GLIS3: variants seen among roughly 807,000 people sequenced by gnomAD.
GLIS3 encodes GLIS family zinc finger 3, also known as zinc finger protein GLIS3.
GLIS3 carries 53 observed loss-of-function variants against 78.6 expected under a neutral mutation model. The ratio of observed to expected loss-of-function variants is 0.67; its 90% CI spans 0.54 to 0.85. The LOEUF (loss-of-function observed/expected upper bound fraction) is 0.85. GLIS3 is among the 40% of genes least tolerant of loss of function. The probability of loss-of-function intolerance (pLI) is 0.00; values close to 1 mark genes in which losing one functional copy is unlikely to be tolerated. For synonymous variants in GLIS3, 684 were observed against 509.9 expected, an observed-to-expected ratio of 1.34 and a Z score of -4.60; for missense variants, 1,703 against 1,231.1, an observed-to-expected ratio of 1.38 and a Z score of -5.74.
the GLIS3 span, among the ~76,000 whole-genome samples, chr9:4,417,777 T>C: frequency 2.0e-5 from 3 of 152,364 alleles, no homozygotes; most frequent in East Asian, 1.9e-4. Context: ...ATCATTGAAC[T>C]TTGTAATCTT....
At position 4,201,849 on chromosome 9, in the gene GLIS3, C is replaced by A. The variant is rs1226671612; in HGVS notation, c.389-75908G>T. Among the ~76,000 whole-genome samples, 5 of 152,240 alleles carry A rather than the reference C, an allele frequency of 3.3e-5. No homozygotes were observed. The East Asian group carries it at 9.7e-4, about 29-fold the overall frequency. On this transcript the variant is annotated intron_variant, in intron 2 of 10. Coordinates refer to ENST00000381971, the MANE Select transcript of GLIS3 (RefSeq NM_001042413.2). ...CTAGAAAAAGCTATTCTAAAATTCA[C>A]ATGAAGCCAGGCATGGTAGCTCATG...
intron 4 of GLIS3, chr9:4,071,258 G>A (rs527600572): frequency 2.0e-5 from 3 of 151,994 alleles, no homozygotes; most frequent in East Asian, 1.9e-4. Flanking sequence ...GTAACCATTG[G>A]GCCAATGTGA....
In GLIS3 at chr9:4,118,144, G is replaced by C. The variant is rs751318538; in HGVS notation, c.1334C>G (p.Pro445Arg). The change falls in exon 4 of 11, where the codon CCC (proline) becomes CGC (arginine). Residue 445 changes from proline to arginine, a missense_variant. Physicochemically the swap from Pro to Arg is moderately radical, Grantham distance 103. Transcript: ENST00000381971. This position sits in a 1 kb window ranked among gnomAD's most constrained non-coding sequence, Gnocchi z 4.7. ...CGGCAGAGGAGGGAGCGGAGGCGCG[G>C]GGGGTAGGTCTACGGTGCTGCCCGG... ...EFPGSTVDLP[P>R]APPLPPLPPP... The C allele has an allele frequency of 1.3e-6, 2 of 1,553,936 alleles. No individual in the cohort carries two copies. Among genetic ancestry groups the C allele is most frequent in the Admixed American group, 1.8e-5 (1 of 54,054 alleles).
At chr9:4,064,444 T>A (rs1826924513) in intron 4 of GLIS3, among the ~76,000 whole-genome samples, 1 of 152,190 alleles carries the variant, frequency 6.6e-6, no homozygotes, top group African/African-American at 2.4e-5. Flanking sequence ...AATGCATGCA[T>A]TAGTTCAAGA....
At chr9:3,951,841 AACACACACACACACACAC>A (rs3061609) in intron 4 of GLIS3, among the ~76,000 whole-genome samples, 10 of 130,616 alleles carry the variant, frequency 7.7e-5, no homozygotes, top group African/African-American at 1.8e-4. Flanking sequence ...AATAAGCATG[AACACACACACACACACAC>A]ACACACACAC....
chr9:4,137,949 C>T (rs1833523654), intron 2 of GLIS3, among the ~76,000 whole-genome samples: 1 of 152,184 alleles, frequency 6.6e-6, no homozygotes, highest in African/African-American at 2.4e-5. Context: ...GTTAACTAAG[C>T]AAACAAGTAC....
At chr9:4,007,527 T>A (rs1359933201) in intron 4 of GLIS3, among the ~76,000 whole-genome samples, 1 of 152,114 alleles carries the variant, frequency 6.6e-6, no homozygotes, top group Non-Finnish European at 1.5e-5. Flanking sequence ...AATATGGTAC[T>A]AACCATCTCA....
chr9:4,199,226 A>G (rs1819139877), intron 2 of GLIS3, among the ~76,000 whole-genome samples: 1 of 152,142 alleles, frequency 6.6e-6, no homozygotes, highest in African/African-American at 2.4e-5. Context: ...TTAACCCTGA[A>G]TGAAATGGCC....
chr9:4,341,564 C>A (rs1389221602), intron 2 of GLIS3, among the ~76,000 whole-genome samples: 1 of 152,216 alleles, frequency 6.6e-6, no homozygotes, highest in Non-Finnish European at 1.5e-5. Flanking sequence ...TGTCCTCAGA[C>A]CCCTAGCACT....
intron 4 of GLIS3, among the ~76,000 whole-genome samples, chr9:4,037,203 C>T (rs1476315723): frequency 3.3e-5 from 5 of 152,150 alleles, no homozygotes; most frequent in Non-Finnish European, 5.9e-5. Context: ...CTGTTAATTT[C>T]ATTTCGAGAA....
At chr9:4,319,892 G>C (rs75150175) in intron 2 of GLIS3, among the ~76,000 whole-genome samples, 2,166 of 152,152 alleles carry the variant, frequency 0.014, 54 homozygotes, top group African/African-American at 0.049. Flanking sequence ...GAATGATTTA[G>C]AACCAGAATT....
chr9:4,447,346 G>C, the GLIS3 span, among the ~76,000 whole-genome samples: 2 of 151,912 alleles, frequency 1.3e-5, no homozygotes, highest in Non-Finnish European at 2.9e-5. Context: ...TACCATGCCT[G>C]ATACAGGAGT....
chr9:3,920,299 G>A (rs1201991204), intron 6 of GLIS3, among the ~76,000 whole-genome samples: 3 of 152,112 alleles, frequency 2.0e-5, no homozygotes, highest in Non-Finnish European at 4.4e-5. Context: ...CACTGTGCCC[G>A]GCCATTACTG....
chr9:4,298,383 C>T (rs1411342127), intron 1 of GLIS3: 2 of 456,258 alleles, frequency 4.4e-6, no homozygotes, highest in Admixed American at 4.7e-5. Flanking sequence ...CCGCCAGGTA[C>T]CTAATTGAAT....
intron 2 of GLIS3, among the ~76,000 whole-genome samples, chr9:4,200,085 T>C (rs1819230209): frequency 6.6e-6 from 1 of 152,218 alleles, no homozygotes; most frequent in Admixed American, 6.5e-5. Context: ...AAGGCAGAAA[T>C]TTTTTACAAA....
intron 2 of GLIS3, among the ~76,000 whole-genome samples, chr9:4,258,480 G>C (rs1346808984): frequency 6.6e-6 from 1 of 152,156 alleles, no homozygotes; most frequent in Non-Finnish European, 1.5e-5. Flanking sequence ...ATTTGTCTTT[G>C]GGGCTTTGTC....
intron 4 of GLIS3, among the ~76,000 whole-genome samples, chr9:3,991,917 C>G (rs753724548): frequency 1.1e-4 from 17 of 152,010 alleles, no homozygotes; most frequent in Admixed American, 2.0e-4. Context: ...GTCTTGATCT[C>G]CTGACTTCGT....
chr9:4,365,354 G>C, the GLIS3 span, among the ~76,000 whole-genome samples: 2 of 152,080 alleles, frequency 1.3e-5, no homozygotes, highest in Admixed American at 6.5e-5. Flanking sequence ...TCAGGAGTTT[G>C]AGACTAGCCT....
In GLIS3 at chr9:3,968,999, TG is replaced by T. The variant is rs572645697; in HGVS notation, c.1711-31811del. On this transcript the variant is annotated intron_variant, in intron 4 of 10. Transcript: ENST00000381971. ...TGTGTTAGGCTCCATCAAAACGGCT[TG>T]GCTTTTTTTCCATTGTGTCACAGAA... Among the ~76,000 whole-genome samples, 57 of 152,322 alleles carry T rather than the reference TG, an allele frequency of 3.7e-4. No homozygotes were observed. In the East Asian group the frequency reaches 8.5e-3, roughly 23 times the overall value.
Sources: allele counts gnomAD v4.1 joint callset (sites outside exome capture counted in the v4.1 genomes callset), GRCh38; gene constraint gnomAD v4.1.1; non-coding constraint Gnocchi (gnomAD v3.1); transcripts MANE v1.5; gene names NCBI Gene and HGNC (gene_info 2026-07-23, HGNC 2026-07-21).